Variants in SAMD5 observed in about 807,000 individuals in gnomAD.
The protein encoded by SAMD5 is sterile alpha motif domain-containing protein 5.
Under a neutral mutation model 11.3 loss-of-function variants are expected in SAMD5, and 13 were observed. The observed-to-expected ratio is 1.15, with a 90% CI of 0.75 to 1.83. The LOEUF (loss-of-function observed/expected upper bound fraction) is 1.83, where lower values mean the gene tolerates loss of function less well. Ranked by LOEUF, SAMD5 falls within the 40% of genes most tolerant of loss-of-function variation. The pLI, the probability that SAMD5 is intolerant of heterozygous loss-of-function variation, is 0.00. For missense variants in SAMD5, 255 were observed against 239.1 expected, an observed-to-expected ratio of 1.07 and a Z score of -0.44; for synonymous variants, 129 against 111.3, an observed-to-expected ratio of 1.16 and a Z score of -1.00.
intron 1 of SAMD5, among the ~76,000 whole-genome samples, chr6:147,586,263 C>T (rs1789372370): frequency 6.6e-6 from 1 of 152,158 alleles, no homozygotes; most frequent in African/African-American, 2.4e-5. Flanking sequence ...TGCCTAGTCT[C>T]ATATCATCAC....
At chr6:147,876,745 T>A in the SAMD5 span, among the ~76,000 whole-genome samples, 1 of 152,212 alleles carries the variant, frequency 6.6e-6, no homozygotes, top group South Asian at 2.1e-4. Flanking sequence ...AAACCACTTT[T>A]TTGGGGAGTT....
chr6:147,512,922 G>T (rs1056737637), intron 1 of SAMD5, among the ~76,000 whole-genome samples: 4 of 152,182 alleles, frequency 2.6e-5, no homozygotes, highest in Admixed American at 2.0e-4. Flanking sequence ...AACCCAGTTT[G>T]CAGGGATTGG....
downstream of SAMD5, among the ~76,000 whole-genome samples, chr6:147,573,134 A>G (rs765790840): frequency 2.7e-4 from 41 of 152,300 alleles, no homozygotes; most frequent in Middle Eastern, 3.4e-3. Context: ...CCAGAAATGG[A>G]CATGAGAGCT....
chr6:147,638,625 G>A (rs1379997320), intron 1 of SAMD5, among the ~76,000 whole-genome samples: 2 of 152,172 alleles, frequency 1.3e-5, no homozygotes, highest in African/African-American at 4.8e-5. Flanking sequence ...GTGGGCTCGG[G>A]TAACTGTGTG....
chr6:147,832,648 A>C, the SAMD5 span, among the ~76,000 whole-genome samples: 1 of 152,114 alleles, frequency 6.6e-6, no homozygotes. Flanking sequence ...GATGATTCTA[A>C]TTACTTTTGT....
the SAMD5 span, among the ~76,000 whole-genome samples, chr6:147,952,834 A>G: frequency 3.3e-5 from 5 of 152,224 alleles, no homozygotes; most frequent in African/African-American, 1.2e-4. Flanking sequence ...GATCTTTGAA[A>G]GAACCTATAT....
the SAMD5 span, among the ~76,000 whole-genome samples, chr6:147,855,114 A>G: frequency 6.6e-6 from 1 of 152,166 alleles, no homozygotes; most frequent in Non-Finnish European, 1.5e-5. Flanking sequence ...CTACTGCATT[A>G]TACGGTATAA....
chr6:147,825,064 G>T, the SAMD5 span, among the ~76,000 whole-genome samples: 1 of 152,166 alleles, frequency 6.6e-6, no homozygotes, highest in African/African-American at 2.4e-5. Flanking sequence ...GGAGGCCGAG[G>T]TAGGGGGATC....
the SAMD5 span, among the ~76,000 whole-genome samples, chr6:147,796,142 G>A: frequency 0.03 from 4,444 of 148,374 alleles, 159 homozygotes; most frequent in African/African-American, 0.087. Flanking sequence ...GTCCTTGCCC[G>A]TGCCTATGTC....
intron 1 of SAMD5, among the ~76,000 whole-genome samples, chr6:147,609,848 G>A (rs1236768736): frequency 2.6e-5 from 4 of 152,172 alleles, no homozygotes; most frequent in South Asian, 4.1e-4. Context: ...GAGCCACCAC[G>A]CCCGGCCAGA....
At chr6:147,644,511 C>T (rs1323153437) in intron 1 of SAMD5, among the ~76,000 whole-genome samples, 1 of 151,996 alleles carries the variant, frequency 6.6e-6, no homozygotes, top group Admixed American at 6.6e-5. Context: ...AATACTTTTG[C>T]AGGAATAAAC....
chr6:147,863,535 T>A, the SAMD5 span, among the ~76,000 whole-genome samples: 1 of 152,174 alleles, frequency 6.6e-6, no homozygotes, highest in Non-Finnish European at 1.5e-5. Context: ...AGGTTGTTTA[T>A]CAGATAGCTG....
At chr6:147,880,785 C>T in the SAMD5 span, among the ~76,000 whole-genome samples, 24 of 152,252 alleles carry the variant, frequency 1.6e-4, no homozygotes, top group East Asian at 3.7e-3. Flanking sequence ...ATCCCAACAA[C>T]TCAACAGATA....
intron 1 of SAMD5, among the ~76,000 whole-genome samples, chr6:147,705,993 T>A (rs1791320110): frequency 6.6e-6 from 1 of 152,174 alleles, no homozygotes; most frequent in Admixed American, 6.5e-5. Flanking sequence ...TTTGTATGTT[T>A]GTTTCTATAT....
At chr6:147,861,084 A>G in the SAMD5 span, among the ~76,000 whole-genome samples, 1 of 152,160 alleles carries the variant, frequency 6.6e-6, no homozygotes, top group African/African-American at 2.4e-5. Flanking sequence ...TCACATCTGT[A>G]GTGGGTCTTT....
chr6:147,539,261 T>G (rs1254262311), intron 1 of SAMD5, among the ~76,000 whole-genome samples: 2 of 111,838 alleles, frequency 1.8e-5, no homozygotes, highest in Non-Finnish European at 3.8e-5. Context: ...CATCAGCCCA[T>G]TTTGTAATCA....
chr6:147,873,358 A>G, the SAMD5 span, among the ~76,000 whole-genome samples: 1 of 151,738 alleles, frequency 6.6e-6, no homozygotes, highest in East Asian at 1.9e-4. Flanking sequence ...GCCTGGTGAC[A>G]GAGTGAGACT....
At chr6:147,613,411 T>C (rs1319693559) in intron 1 of SAMD5, among the ~76,000 whole-genome samples, 1 of 151,906 alleles carries the variant, frequency 6.6e-6, no homozygotes, top group Non-Finnish European at 1.5e-5. Flanking sequence ...CCTTTCTGGC[T>C]AGTCGAGACT....
At chr6:147,854,598 T>C in the SAMD5 span, among the ~76,000 whole-genome samples, 1 of 152,200 alleles carries the variant, frequency 6.6e-6, no homozygotes, top group Admixed American at 6.5e-5. Context: ...CTGTACTCGA[T>C]TTTTAAATGT....
Sources: allele counts gnomAD v4.1 joint callset (sites outside exome capture counted in the v4.1 genomes callset), GRCh38; gene constraint gnomAD v4.1.1; transcripts MANE v1.5; gene names NCBI Gene and HGNC (gene_info 2026-07-23, HGNC 2026-07-21).